Variants in KCTD16 observed in about 807,000 individuals in gnomAD.
KCTD16 encodes the protein potassium channel tetramerization domain containing 16.
In KCTD16, 13 loss-of-function variants were observed where a neutral mutation model predicts 33.2. The observed-to-expected ratio is 0.39, with a 90% CI of 0.25 to 0.62. KCTD16 has a LOEUF of 0.62. KCTD16 is among the 20% of genes least tolerant of loss of function. The pLI is 0.50. For synonymous variants in KCTD16, 197 were observed against 195.3 expected, an observed-to-expected ratio of 1.01 and a Z score of -0.07; for missense variants, 441 against 525.1, an observed-to-expected ratio of 0.84 and a Z score of 1.57.
chr5:144,376,200 A>T (rs919062997), intron 3 of KCTD16, among the ~76,000 whole-genome samples: 24 of 152,136 alleles, frequency 1.6e-4, no homozygotes, highest in African/African-American at 5.8e-4. Context: ...CTGGGTCTCA[A>T]TACTTTTCTT....
chr5:144,426,442 AC>A (rs1753331724), intron 3 of KCTD16, among the ~76,000 whole-genome samples: 1 of 152,116 alleles, frequency 6.6e-6, no homozygotes, highest in Non-Finnish European at 1.5e-5. Context: ...TGCAAAAAAT[AC>A]AGGCTTTTTC....
intron 3 of KCTD16, among the ~76,000 whole-genome samples, chr5:144,215,257 A>T (rs561906795): frequency 1.2e-4 from 19 of 152,250 alleles, no homozygotes; most frequent in African/African-American, 4.3e-4. Context: ...GGTTCATCCA[A>T]GCAGGAGTAA....
chr5:144,191,418 T>C (rs779937943), intron 2 of KCTD16, among the ~76,000 whole-genome samples: 1 of 152,202 alleles, frequency 6.6e-6, no homozygotes, highest in Non-Finnish European at 1.5e-5. Flanking sequence ...GACTGTTCTT[T>C]TCCCAACTGC....
intron 3 of KCTD16, among the ~76,000 whole-genome samples, chr5:144,457,678 G>T (rs1272585510): frequency 2.0e-5 from 3 of 152,110 alleles, no homozygotes; most frequent in Non-Finnish European, 4.4e-5. Flanking sequence ...CAATAACAGG[G>T]ATACCAATTT....
rs993048618 is a variant in KCTD16, at chr5:144,485,573, T to A, written c.*11459T>A. On this transcript the variant is annotated 3_prime_UTR_variant, in exon 4 of 4. Transcript: ENST00000512467. ...GGAAGAACAGAAACTATATTTCAGA[T>A]TCTTGTGTGAATATAATTACAGAAT... is the stretch of plus-strand genomic sequence containing the variant. The A allele has an allele frequency of 1.3e-5, 2 of 151,960 alleles. No homozygotes were observed. The highest frequency in any genetic ancestry group is 6.6e-5 in the Admixed American group (1 of 15,216). The allele number at this position is 151,960 out of a possible 1,614,324, so 9.4% of individuals were successfully genotyped here.
At chr5:144,472,431 T>C (rs532116446) in intron 3 of KCTD16, among the ~76,000 whole-genome samples, 2 of 152,332 alleles carry the variant, frequency 1.3e-5, no homozygotes, top group South Asian at 4.1e-4. Flanking sequence ...ATCTGCAACA[T>C]TGCTCTGCCT....
At chr5:144,361,507 A>G (rs948227106) in intron 3 of KCTD16, among the ~76,000 whole-genome samples, 1 of 152,210 alleles carries the variant, frequency 6.6e-6, no homozygotes, top group Non-Finnish European at 1.5e-5. Flanking sequence ...TCAAGTCTCC[A>G]TGATTTCAGG....
intron 3 of KCTD16, among the ~76,000 whole-genome samples, chr5:144,223,509 T>C (rs1753828685): frequency 6.6e-6 from 1 of 152,174 alleles, no homozygotes; most frequent in Non-Finnish European, 1.5e-5. Context: ...TATGGGTACA[T>C]TTGGATCTTC....
At chr5:144,289,866 A>G (rs750593578) in intron 3 of KCTD16, among the ~76,000 whole-genome samples, 1 of 152,186 alleles carries the variant, frequency 6.6e-6, no homozygotes, top group African/African-American at 2.4e-5. Flanking sequence ...CTGGAAATGC[A>G]TCTTATACCA....
At chr5:144,253,202 T>C (rs774562620) in intron 3 of KCTD16, among the ~76,000 whole-genome samples, 3 of 152,144 alleles carry the variant, frequency 2.0e-5, no homozygotes, top group Non-Finnish European at 2.9e-5. Context: ...CACTTGCAGG[T>C]AGATACACAT....
chr5:144,310,332 G>T (rs549386493), intron 3 of KCTD16, among the ~76,000 whole-genome samples: 1 of 152,002 alleles, frequency 6.6e-6, no homozygotes, highest in Admixed American at 6.6e-5. Context: ...CCATATTTTT[G>T]CTATTGTGAA....
intron 3 of KCTD16, among the ~76,000 whole-genome samples, chr5:144,325,659 GT>G (rs1752185530): frequency 2.6e-5 from 4 of 151,970 alleles, no homozygotes; most frequent in Admixed American, 2.6e-4. Context: ...TTCAGCCTGG[GT>G]ATGACGTGCT....
At chr5:144,349,939 C>A (rs1003161807) in intron 3 of KCTD16, among the ~76,000 whole-genome samples, 1 of 152,152 alleles carries the variant, frequency 6.6e-6, no homozygotes, top group Non-Finnish European at 1.5e-5. Context: ...CTTCCTGTAG[C>A]GCAGGCAGCT....
At chr5:144,430,180 T>A (rs1260203511) in intron 3 of KCTD16, among the ~76,000 whole-genome samples, 1 of 152,196 alleles carries the variant, frequency 6.6e-6, no homozygotes, top group Non-Finnish European at 1.5e-5. Flanking sequence ...AGACCTCATT[T>A]TCCCTTCCAA....
chr5:144,209,374 T>C (rs1753294198), intron 3 of KCTD16, among the ~76,000 whole-genome samples: 1 of 152,186 alleles, frequency 6.6e-6, no homozygotes, highest in African/African-American at 2.4e-5. Flanking sequence ...TGTCGTTTCT[T>C]CTTTCTTTGT....
At position 144,476,892 on chromosome 5, in the gene KCTD16, A is replaced by G. The variant is rs140822472; in HGVS notation, c.*2778A>G. On this transcript the variant is annotated 3_prime_UTR_variant, in exon 4 of 4. Transcript: ENST00000512467. The stretch of plus-strand genomic sequence containing the variant: ...TTTGTTTAATTCTGAAGAAAACAAT[A>G]TATATGGTTTACTTCTCGAACATTG... The G allele has an allele frequency of 1.3e-5, 2 of 152,170 alleles. No individual in the cohort carries two copies. The highest frequency in any genetic ancestry group is 2.9e-5 in the Non-Finnish European group (2 of 68,006). The allele number at this position is 152,170 out of a possible 1,614,324, so 9.4% of individuals were successfully genotyped here.
chr5:144,358,305 T>C lies in KCTD16; in HGVS notation c.833-115355T>C, dbSNP rs188399201. Among the ~76,000 whole-genome samples, 10 of 152,274 alleles carry C rather than the reference T, an allele frequency of 6.6e-5. No individual in the cohort carries two copies. In the East Asian group the frequency reaches 1.9e-3, roughly 29 times the overall value. On this transcript the variant is annotated intron_variant, in intron 3 of 3. Coordinates refer to ENST00000512467, the MANE Select transcript of KCTD16 (RefSeq NM_020768.4). ...CCAACTAAAATGGAATTTATAGGGATTGGACATAGGCATTTGCAGAAACAC... is the reference window on the plus strand; with the variant it reads ...CCAACTAAAATGGAATTTATAGGGACTGGACATAGGCATTTGCAGAAACAC...
At chr5:144,245,905 T>A (rs1754536916) in intron 3 of KCTD16, among the ~76,000 whole-genome samples, 2 of 152,190 alleles carry the variant, frequency 1.3e-5, no homozygotes, top group Admixed American at 1.3e-4. Context: ...TAAACCTTTT[T>A]TCTTTATAAA....
chr5:144,311,661 T>C (rs1437539991), intron 3 of KCTD16, among the ~76,000 whole-genome samples: 1 of 152,182 alleles, frequency 6.6e-6, no homozygotes, highest in African/African-American at 2.4e-5. Flanking sequence ...AAGCAGTTTA[T>C]GATATATTCT....
Sources: allele counts gnomAD v4.1 joint callset (sites outside exome capture counted in the v4.1 genomes callset), GRCh38; gene constraint gnomAD v4.1.1; transcripts MANE v1.5; gene names NCBI Gene and HGNC (gene_info 2026-07-23, HGNC 2026-07-21).